IL1RAPL2: variants seen among roughly 807,000 people sequenced by gnomAD.
The protein encoded by IL1RAPL2 is X-linked interleukin-1 receptor accessory protein-like 2.
Under a neutral mutation model 44.1 loss-of-function variants are expected in IL1RAPL2, and 3 were observed. That is an observed-to-expected ratio of 0.07 (90% confidence interval 0.03 to 0.18). IL1RAPL2 has a LOEUF of 0.18. IL1RAPL2 is among the 10% of genes least tolerant of loss of function. The probability of loss-of-function intolerance (pLI) is 1.00; values close to 1 mark genes in which losing one functional copy is unlikely to be tolerated. For missense variants in IL1RAPL2, 391 were observed against 496.4 expected, an observed-to-expected ratio of 0.79 and a Z score of 2.02; for synonymous variants, 181 against 178.8, an observed-to-expected ratio of 1.01 and a Z score of -0.10.
intron 2 of IL1RAPL2, among the ~76,000 whole-genome samples, chrX:104,854,201 C>T (rs1213270591): frequency 9.0e-6 from 1 of 111,666 alleles, no homozygotes; most frequent in East Asian, 2.8e-4. Context: ...ATTTGGAATG[C>T]AGTTACTTAA....
intron 6 of IL1RAPL2, among the ~76,000 whole-genome samples, chrX:105,584,418 T>C (rs1010199332): frequency 8.9e-5 from 10 of 111,897 alleles, no homozygotes; most frequent in Non-Finnish European, 1.9e-4. Flanking sequence ...AATATTATCA[T>C]TGCAGCTTTT....
At chrX:105,220,972 C>A (rs1033154300) in intron 3 of IL1RAPL2, among the ~76,000 whole-genome samples, 2 of 111,893 alleles carry the variant, frequency 1.8e-5, no homozygotes, top group African/African-American at 3.3e-5. Flanking sequence ...TAGTAGGGAC[C>A]CCCCTAGAGG....
At chrX:105,389,238 T>C (rs1424143129) in intron 5 of IL1RAPL2, among the ~76,000 whole-genome samples, 1 of 112,279 alleles carries the variant, frequency 8.9e-6, no homozygotes, top group Non-Finnish European at 1.9e-5. Context: ...CATTTATCTT[T>C]GAAGCCAATT....
chrX:105,048,282 G>A (rs2031869165), intron 2 of IL1RAPL2, among the ~76,000 whole-genome samples: 1 of 111,902 alleles, frequency 8.9e-6, no homozygotes, highest in Non-Finnish European at 1.9e-5. Flanking sequence ...AAAATTTGCA[G>A]CACTACTTCA....
At chrX:104,589,723 C>G (rs774512127) in intron 1 of IL1RAPL2, among the ~76,000 whole-genome samples, 1 of 111,067 alleles carries the variant, frequency 9.0e-6, no homozygotes, top group Non-Finnish European at 1.9e-5. Context: ...TGTTAGTAGC[C>G]GATGTTATGT....
intron 1 of IL1RAPL2, among the ~76,000 whole-genome samples, chrX:104,634,014 A>G (rs1264968879): frequency 2.7e-5 from 3 of 109,900 alleles, no homozygotes; most frequent in Non-Finnish European, 3.8e-5. Context: ...CACTGCTTTG[A>G]ATGTGTCCCA....
chrX:105,501,325 T>G (rs1391903748), intron 6 of IL1RAPL2, among the ~76,000 whole-genome samples: 1 of 111,851 alleles, frequency 8.9e-6, no homozygotes, highest in Non-Finnish European at 1.9e-5. Flanking sequence ...TAGTGCTATC[T>G]AGAACCATAA....
chrX:104,916,198 T>A (rs1924424055), intron 2 of IL1RAPL2, among the ~76,000 whole-genome samples: 1 of 112,061 alleles, frequency 8.9e-6, no homozygotes, highest in Admixed American at 9.5e-5. Context: ...TTCCTACCCA[T>A]GAGCATGGAA....
intron 2 of IL1RAPL2, among the ~76,000 whole-genome samples, chrX:104,824,753 T>C (rs947455465): frequency 8.9e-6 from 1 of 111,910 alleles, no homozygotes; most frequent in Non-Finnish European, 1.9e-5. Context: ...ACTTTTTTAT[T>C]GTGTCTATTT....
chrX:104,765,543 G>A (rs1932539951), intron 2 of IL1RAPL2, among the ~76,000 whole-genome samples: 2 of 111,875 alleles, frequency 1.8e-5, no homozygotes, highest in South Asian at 7.5e-4. Flanking sequence ...TAGAGCCATT[G>A]TGAATGGTTA....
intron 2 of IL1RAPL2, among the ~76,000 whole-genome samples, chrX:105,098,538 T>G (rs761152362): frequency 1.8e-5 from 2 of 112,271 alleles, no homozygotes; most frequent in Non-Finnish European, 1.9e-5. Context: ...AAAATAACTC[T>G]TAGGAAAATC....
At chrX:105,300,005 C>T (rs2034684754) in intron 5 of IL1RAPL2, among the ~76,000 whole-genome samples, 1 of 111,578 alleles carries the variant, frequency 9.0e-6, no homozygotes, top group South Asian at 3.8e-4. Context: ...AACTGCTTTG[C>T]AGTGGCCTGT....
intron 4 of IL1RAPL2, among the ~76,000 whole-genome samples, chrX:105,245,567 T>A (rs1182050833): frequency 8.9e-6 from 1 of 112,610 alleles, no homozygotes; most frequent in Non-Finnish European, 1.9e-5. Flanking sequence ...ATAAATAGGA[T>A]TTAGACATTA....
At chrX:105,454,855 C>A (rs761941190) in intron 5 of IL1RAPL2, among the ~76,000 whole-genome samples, 23 of 108,931 alleles carry the variant, frequency 2.1e-4, no homozygotes, top group Non-Finnish European at 3.8e-4. Context: ...ACACAGCAAC[C>A]CCTATCCCCA....
At chrX:104,901,199 C>CTTTTTTTTTTTT (rs1194148816) in intron 2 of IL1RAPL2, among the ~76,000 whole-genome samples, 2 of 32,113 alleles carry the variant, frequency 6.2e-5, no homozygotes, top group Non-Finnish European at 1.0e-4. Flanking sequence ...TCTTTTGCTT[C>CTTTTTTTTTTTT]TTTTTTTTTT....
intron 5 of IL1RAPL2, among the ~76,000 whole-genome samples, chrX:105,469,019 G>C (rs778376896): frequency 2.7e-5 from 3 of 111,508 alleles, no homozygotes; most frequent in African/African-American, 9.8e-5. Flanking sequence ...AATTTTATTT[G>C]GCTGAGAGCA....
At chrX:104,889,976 T>G (rs1475174822) in intron 2 of IL1RAPL2, among the ~76,000 whole-genome samples, 1 of 109,773 alleles carries the variant, frequency 9.1e-6, no homozygotes, top group Non-Finnish European at 1.9e-5. Flanking sequence ...CAGGTCCTGG[T>G]GTGTGATGTT....
At chrX:105,675,134 C>A (rs777781398) in intron 6 of IL1RAPL2, among the ~76,000 whole-genome samples, 10 of 111,076 alleles carry the variant, frequency 9.0e-5, no homozygotes, top group Non-Finnish European at 1.7e-4. Context: ...TCCTCCCTTC[C>A]GATTTGAATA....
intron 2 of IL1RAPL2, among the ~76,000 whole-genome samples, chrX:105,021,205 T>C (rs2031276896): frequency 9.0e-6 from 1 of 111,652 alleles, no homozygotes; most frequent in African/African-American, 3.2e-5. Context: ...CCAACACAAA[T>C]GTCATTTCAA....
Sources: allele counts gnomAD v4.1 joint callset (sites outside exome capture counted in the v4.1 genomes callset), GRCh38; gene constraint gnomAD v4.1.1; transcripts MANE v1.5; gene names NCBI Gene and HGNC (gene_info 2026-07-23, HGNC 2026-07-21).